KIR2DL4: variants seen among roughly 807,000 people sequenced by gnomAD.
The protein encoded by KIR2DL4 is killer cell immunoglobulin like receptor, two Ig domains and long cytoplasmic tail 4.
Under a neutral mutation model 31.0 loss-of-function variants are expected in KIR2DL4, and 41 were observed. The observed-to-expected ratio is 1.32, with a 90% CI of 1.03 to 1.72. The LOEUF (loss-of-function observed/expected upper bound fraction) is 1.72, where lower values mean the gene tolerates loss of function less well. Ranked by LOEUF, KIR2DL4 falls within the 40% of genes most tolerant of loss-of-function variation. KIR2DL4 has a pLI of 0.00. For missense variants in KIR2DL4, 438 were observed against 353.7 expected (o/e 1.24, Z -1.91); for synonymous variants, 164 against 133.6 (o/e 1.23, Z -1.57).
intron 3 of KIR2DL4, among the ~76,000 whole-genome samples, chr19:54,805,547 A>C (rs1256964369): frequency 1.3e-5 from 2 of 151,430 alleles, no homozygotes; most frequent in Non-Finnish European, 2.9e-5. Context: ...GAGTCTCCAG[A>C]GGGAATGCAG....
In KIR2DL4 at chr19:54,813,272, C is replaced by T. The variant is rs769172506; in HGVS notation, c.810+44C>T. On this transcript the variant is annotated intron_variant, in intron 6 of 7. Coordinates refer to ENST00000359085, the Ensembl canonical transcript of KIR2DL4. ...AGGCCAGAGAACTCAGGGCCCTGTG[C>T]GGAAGCAGGATGGGAGCACGCAGGT... 2.5e-5 allele frequency: 40 copies of T among 1,596,330 alleles called. 2 individuals carry two copies. The South Asian group carries it at 2.6e-4, about 10-fold the overall frequency.
chr19:54,812,204 A>G (rs1235508673), intron 5 of KIR2DL4, among the ~76,000 whole-genome samples: 4 of 151,280 alleles, frequency 2.6e-5, no homozygotes, highest in Admixed American at 2.0e-4. Flanking sequence ...CAGGGAATAC[A>G]TTACATAGGC....
At chr19:54,813,973 A>G in exon 8 of KIR2DL4, 1 of 1,612,442 alleles carries the variant, frequency 6.2e-7, no homozygotes, top group South Asian at 1.1e-5. Flanking sequence ...TGTGTATAGA[A>G]CTTCCAAATG....
intron 6 of KIR2DL4, 132 bp from the exon 6 acceptor site, chr19:54,813,558 G>C: frequency 1.1e-6 from 1 of 920,272 alleles, no homozygotes; most frequent in Non-Finnish European, 1.7e-6. Context: ...GAGATGGAAT[G>C]TCTGAGTCTG....
intron 2 of KIR2DL4, among the ~76,000 whole-genome samples, chr19:54,804,342 C>T (rs2060365755): frequency 6.6e-6 from 1 of 151,172 alleles, no homozygotes; most frequent in Non-Finnish European, 1.5e-5. Context: ...AAGAGGGTAA[C>T]TCACACCCTC....
At chr19:54,811,352 C>A (rs1235616215) in intron 5 of KIR2DL4, among the ~76,000 whole-genome samples, 1 of 151,076 alleles carries the variant, frequency 6.6e-6, no homozygotes, top group Non-Finnish European at 1.5e-5. Flanking sequence ...GAGCCAAGAT[C>A]GCGTCATTGC....
At position 54,804,938 on chromosome 19, in the gene KIR2DL4, C is replaced by A; in HGVS notation, c.222C>A (p.Tyr74Ter). 1 of 1,612,230 alleles carries A rather than the reference C, an allele frequency of 6.2e-7. No individual in the cohort carries two copies. Among genetic ancestry groups the A allele is most frequent in the Non-Finnish European group, 8.5e-7 (1 of 1,179,690 alleles). The change falls in exon 3 of 8, where the codon TAC becomes TAA. Residue 74 changes from tyrosine to a stop codon, truncating the protein, a stop_gained. Transcript: ENST00000359085. LOFTEE classifies it high-confidence loss of function. ...ATGGGGTCCCTGTCCCTGAGCTCTA[C>A]AACAGAATATTCTGGAACAGTTTCC... is the stretch of plus-strand genomic sequence containing the variant.
intron 5 of KIR2DL4, among the ~76,000 whole-genome samples, chr19:54,811,874 G>A (rs2060886152): frequency 6.6e-6 from 1 of 151,272 alleles, no homozygotes; most frequent in Admixed American, 6.6e-5. Flanking sequence ...ACTCTCGGGT[G>A]GAACAGCAGC....
chr19:54,805,871 C>G lies in KIR2DL4; in HGVS notation c.362-80C>G, dbSNP rs111545054. ...GAGAGCACTAGGCCATAGAGCAGGG[C>G]AGTGAGTTCTCAGCTCAGGTGGGAG... On this transcript the variant is annotated intron_variant, in intron 3 of 7. Transcript: ENST00000359085. The G allele has an allele frequency of 5.6e-6, 7 of 1,257,652 alleles. No homozygotes were observed. The East Asian group carries it at 9.3e-5, about 17-fold the overall frequency. 77.9% of individuals were successfully genotyped at this position (1,257,652 alleles called of 1,614,324 possible). A position where few individuals can be genotyped will look rare whatever the true frequency, so the allele number is the denominator to read the frequency against.
Position 54,805,080 on chromosome 19 carries a change from C to CAGA in KIR2DL4, c.361+4_361+6dup. 1 of 1,595,038 alleles carries CAGA rather than the reference C, an allele frequency of 6.3e-7. No homozygotes were observed. The highest frequency in any genetic ancestry group is 8.5e-7 in the Non-Finnish European group (1 of 1,173,384). ...CCCCCTGGTGATCATGGTCACAGGT[C>CAGA]AGAGGGCTCCTGTCTGGGCTTCTCC... On this transcript the variant is annotated splice_donor_region_variant and intron_variant, in intron 3 of 7. Transcript: ENST00000359085.
At chr19:54,813,326 T>G (rs2060989571) in intron 6 of KIR2DL4, 1 of 1,556,010 alleles carries the variant, frequency 6.4e-7, no homozygotes, top group Non-Finnish European at 8.7e-7. Context: ...GGAAAGTCTC[T>G]GGCCCAAGGC....
chr19:54,813,169 A>T, exon 6 of KIR2DL4: 7 of 1,539,484 alleles, frequency 4.5e-6, no homozygotes, highest in Non-Finnish European at 6.2e-6. Flanking sequence ...CTCAGTGGCC[A>T]TCATCCTCTT....
chr19:54,814,349 A>C, exon 8 of KIR2DL4: 2 of 543,090 alleles, frequency 3.7e-6, no homozygotes, highest in Non-Finnish European at 3.3e-6. Context: ...CCAAACATAC[A>C]AGAGGCTCTC....
chr19:54,808,281 A>C (rs2060645999), intron 4 of KIR2DL4, among the ~76,000 whole-genome samples: 1 of 150,884 alleles, frequency 6.6e-6, no homozygotes, highest in African/African-American at 2.5e-5. Context: ...GTCTTCCCTC[A>C]GACAAATGTC....
intron 6 of KIR2DL4, chr19:54,813,432 C>T (rs1363441862): frequency 2.8e-5 from 22 of 785,072 alleles, no homozygotes; most frequent in Admixed American, 1.4e-4. Flanking sequence ...TGTATCCTCA[C>T]GTCCCCTGCA....
chr19:54,812,129 CCA>C (rs2060899681), intron 5 of KIR2DL4, among the ~76,000 whole-genome samples: 1 of 151,180 alleles, frequency 6.6e-6, no homozygotes, highest in African/African-American at 2.4e-5. Flanking sequence ...TAAACACCTC[CCA>C]TACTGCACCT....
chr19:54,809,837 C>A (rs1275935436), intron 5 of KIR2DL4, among the ~76,000 whole-genome samples: 1 of 151,162 alleles, frequency 6.6e-6, no homozygotes, highest in Non-Finnish European at 1.5e-5. Flanking sequence ...GGATACCCTC[C>A]TTTTAAGGTT....
intron 4 of KIR2DL4, among the ~76,000 whole-genome samples, chr19:54,808,179 G>A (rs372967072): frequency 3.4e-5 from 5 of 148,898 alleles, no homozygotes; most frequent in South Asian, 2.2e-4. Flanking sequence ...CTTCCTTTGC[G>A]GTGCAGAAGC....
chr19:54,811,316 T>A (rs1488882215), intron 5 of KIR2DL4, among the ~76,000 whole-genome samples: 5 of 151,070 alleles, frequency 3.3e-5, no homozygotes, highest in African/African-American at 9.8e-5. Flanking sequence ...GAGAATGGCT[T>A]CAACCAGGGA....
Sources: allele counts gnomAD v4.1 joint callset (sites outside exome capture counted in the v4.1 genomes callset), GRCh38; gene constraint gnomAD v4.1.1; transcripts MANE v1.5; gene names NCBI Gene and HGNC (gene_info 2026-07-23, HGNC 2026-07-21).